The following FANCB variants were observed in gnomAD, a reference collection of about 807,000 sequenced individuals.
FANCB encodes FA complementation group B, also known as Fanconi anemia group B protein.
A neutral mutation model predicts 38.9 loss-of-function variants in FANCB; 5 were observed. The observed-to-expected ratio is 0.13, with a 90% confidence interval of 0.07 to 0.27. The LOEUF (loss-of-function observed/expected upper bound fraction) is 0.27, where lower values mean the gene tolerates loss of function less well. FANCB is among the 10% of genes least tolerant of loss of function. The pLI is 1.00. For missense variants in FANCB, 573 were observed against 602.7 expected (o/e 0.95, Z 0.52); for synonymous variants, 236 against 215.4 (o/e 1.10, Z -0.84).
chrX:14,775,160 GTTTTTTTTTTTT>G, the FANCB span, among the ~76,000 whole-genome samples: 9 of 35,012 alleles, frequency 2.6e-4, no homozygotes, highest in South Asian at 4.8e-3. Context: ...TTTCTCTAAT[GTTTTTTTTTTTT>G]TTTTTTTTTT....
At chrX:14,785,521 G>A in the FANCB span, among the ~76,000 whole-genome samples, 7 of 112,062 alleles carry the variant, frequency 6.2e-5, no homozygotes, top group Non-Finnish European at 1.3e-4. Context: ...CTTACCGAGT[G>A]TTAAATCCTG....
the FANCB span, among the ~76,000 whole-genome samples, chrX:14,799,216 CTT>C: frequency 8.9e-6 from 1 of 112,092 alleles, no homozygotes; most frequent in Non-Finnish European, 1.9e-5. Context: ...AACTCACTCT[CTT>C]GAGTACTCAC....
chrX:14,734,917 C>T, the FANCB span, among the ~76,000 whole-genome samples: 849 of 105,900 alleles, frequency 8.0e-3, 4 homozygotes, highest in Middle Eastern at 0.019. Flanking sequence ...AGGCTTTGTT[C>T]GGTTTTTTTT....
chrX:14,865,790 A>G (rs768014695), intron 2 of FANCB, among the ~76,000 whole-genome samples: 1 of 112,319 alleles, frequency 8.9e-6, no homozygotes, highest in East Asian at 2.8e-4. Context: ...AAGAATTCAA[A>G]TAACCATATC....
At chrX:14,784,753 T>G in the FANCB span, among the ~76,000 whole-genome samples, 1 of 111,831 alleles carries the variant, frequency 8.9e-6, no homozygotes, top group Non-Finnish European at 1.9e-5. Context: ...AGCAAAGACA[T>G]AGAAGCAACC....
intron 3 of FANCB, 84 bp from the exon 4 acceptor site, chrX:14,859,418 T>C (rs890568361): frequency 1.5e-6 from 1 of 673,421 alleles, no homozygotes; most frequent in Non-Finnish European, 2.3e-6. Flanking sequence ...TTGTTTCATG[T>C]AGTTGTCATT....
chrX:14,733,082 T>G, the FANCB span, among the ~76,000 whole-genome samples: 1 of 112,382 alleles, frequency 8.9e-6, no homozygotes, highest in Non-Finnish European at 1.9e-5. Flanking sequence ...AGTTTCAGTT[T>G]TCTGCAAGTG....
chrX:14,821,048 G>C, the FANCB span, among the ~76,000 whole-genome samples: 1 of 111,523 alleles, frequency 9.0e-6, no homozygotes, highest in South Asian at 3.7e-4. Flanking sequence ...ATGGGTCTCA[G>C]ATATATATTC....
the FANCB span, among the ~76,000 whole-genome samples, chrX:14,825,985 A>C: frequency 2.7e-5 from 3 of 112,023 alleles, no homozygotes; most frequent in Non-Finnish European, 5.6e-5. Flanking sequence ...TGTCCTTCAA[A>C]AGTTTTCAGC....
chrX:14,707,526 T>G, the FANCB span, among the ~76,000 whole-genome samples: 1 of 109,908 alleles, frequency 9.1e-6, no homozygotes, highest in Admixed American at 9.6e-5. Flanking sequence ...ACCCTGGTAG[T>G]GAGCTTAGAA....
At chrX:14,869,065 C>CAT (rs1345453882) in intron 1 of FANCB, 22 bp from the exon 2 acceptor site, 1 of 111,254 alleles carries the variant, frequency 9.0e-6, no homozygotes, top group Non-Finnish European at 1.9e-5. Context: ...AGAAAATAAA[C>CAT]ATATTAGTTA....
chrX:14,750,829 G>T, the FANCB span, among the ~76,000 whole-genome samples: 12 of 107,782 alleles, frequency 1.1e-4, no homozygotes, highest in African/African-American at 4.1e-4. Flanking sequence ...TAAATCATAT[G>T]AAAATAGGCC....
the FANCB span, among the ~76,000 whole-genome samples, chrX:14,767,115 G>A: frequency 8.9e-6 from 1 of 111,954 alleles, no homozygotes; most frequent in African/African-American, 3.2e-5. Context: ...TTGATGCCAT[G>A]TCTTTGCTGT....
At chrX:14,830,052 G>A in the FANCB span, among the ~76,000 whole-genome samples, 1 of 111,542 alleles carries the variant, frequency 9.0e-6, no homozygotes, top group Non-Finnish European at 1.9e-5. Flanking sequence ...GCCACTGTAG[G>A]CCTCACTTCA....
the FANCB span, among the ~76,000 whole-genome samples, chrX:14,712,046 G>GA: frequency 2.7e-5 from 3 of 112,603 alleles, no homozygotes; most frequent in African/African-American, 9.7e-5. Flanking sequence ...TGTTATTATA[G>GA]AAAAAAATGC....
At chrX:14,827,355 G>A in the FANCB span, among the ~76,000 whole-genome samples, 1,908 of 111,627 alleles carry the variant, frequency 0.017, 38 homozygotes, top group African/African-American at 0.052. Context: ...CCTATCCAAG[G>A]ATATGATATA....
At chrX:14,863,073 T>C (rs1322209487) in intron 3 of FANCB, among the ~76,000 whole-genome samples, 2 of 112,500 alleles carry the variant, frequency 1.8e-5, no homozygotes, top group Non-Finnish European at 3.8e-5. Context: ...GCATTCTCTA[T>C]GTATTATAGA....
At chrX:14,726,888 C>T in the FANCB span, among the ~76,000 whole-genome samples, 1 of 112,104 alleles carries the variant, frequency 8.9e-6, no homozygotes, top group East Asian at 2.8e-4. Flanking sequence ...AGAACATTAT[C>T]TTACTGAGGC....
the FANCB span, among the ~76,000 whole-genome samples, chrX:14,776,521 G>T: frequency 8.9e-6 from 1 of 112,006 alleles, no homozygotes; most frequent in Non-Finnish European, 1.9e-5. Flanking sequence ...AAATGGTATT[G>T]AATAGCGCAC....
Sources: gnomAD v4.1 joint callset for allele counts (sites outside exome capture counted in the v4.1 genomes callset) on GRCh38, gnomAD v4.1.1 for gene constraint, MANE v1.5 for transcripts, NCBI Gene and HGNC (gene_info 2026-07-23, HGNC 2026-07-21) for gene names.